TYW1: variants seen among roughly 807,000 people sequenced by gnomAD.
The protein encoded by TYW1 is S-adenosyl-L-methionine-dependent tRNA 4-demethylwyosine synthase TYW1.
A neutral mutation model predicts 96.2 loss-of-function variants in TYW1; 46 were observed. The observed-to-expected ratio is 0.48, with a 90% CI of 0.38 to 0.61. TYW1 has a LOEUF of 0.61. Ranked by LOEUF, TYW1 falls within the 20% of genes least tolerant of loss-of-function variation. The pLI, the probability that TYW1 is intolerant of heterozygous loss-of-function variation, is 0.00. For missense variants in TYW1, 684 were observed against 909.6 expected, an observed-to-expected ratio of 0.75 and a Z score of 3.19; for synonymous variants, 274 against 323.0, an observed-to-expected ratio of 0.85 and a Z score of 1.63.
At chr7:67,208,190 G>T (rs1186244887) in intron 15 of TYW1, among the ~76,000 whole-genome samples, 1 of 152,004 alleles carries the variant, frequency 6.6e-6, no homozygotes, top group Admixed American at 6.6e-5. Flanking sequence ...GTGGTGGCGT[G>T]TGCCCATGTA....
intron 13 of TYW1, among the ~76,000 whole-genome samples, chr7:67,122,406 TAAAAAAC>T (rs1444363874): frequency 2.0e-5 from 3 of 152,174 alleles, no homozygotes; most frequent in Non-Finnish European, 4.4e-5. Flanking sequence ...ATTTGCAAAT[TAAAAAAC>T]AAACATTTCA....
At chr7:67,017,762 G>A (rs1794074006) in intron 5 of TYW1, 91 bp from the exon 6 acceptor site, 59 of 1,509,794 alleles carry the variant, frequency 3.9e-5, no homozygotes, top group Non-Finnish European at 5.0e-5. Context: ...ATGACCAGGG[G>A]CCTCGGAAGG....
intron 13 of TYW1, among the ~76,000 whole-genome samples, chr7:67,147,351 C>T (rs13222233): frequency 0.26 from 39,532 of 151,942 alleles, 5,630 homozygotes; most frequent in African/African-American, 0.38. Flanking sequence ...ATTTTGCCAT[C>T]CATGAGGTTC....
chr7:67,197,964 C>CCA (rs1800457845), intron 15 of TYW1, among the ~76,000 whole-genome samples: 1 of 144,676 alleles, frequency 6.9e-6, no homozygotes, highest in Non-Finnish European at 1.5e-5. Context: ...CCCCTGCCCC[C>CCA]CGCCCCCGCA....
At chr7:67,189,320 TG>T (rs57719703) in intron 14 of TYW1, among the ~76,000 whole-genome samples, 38,093 of 144,376 alleles carry the variant, frequency 0.26, 4,926 homozygotes, top group African/African-American at 0.36. Flanking sequence ...TGTGCATCTG[TG>T]TTGTGTGTGT....
At chr7:67,203,122 C>T (rs1695097531) in intron 15 of TYW1, among the ~76,000 whole-genome samples, 1 of 152,210 alleles carries the variant, frequency 6.6e-6, no homozygotes, top group Admixed American at 6.5e-5. Flanking sequence ...CATGCTATTC[C>T]TTTGTAGTCC....
intron 9 of TYW1, among the ~76,000 whole-genome samples, chr7:67,065,132 G>T (rs959477916): frequency 2.0e-5 from 3 of 152,152 alleles, no homozygotes; most frequent in African/African-American, 7.2e-5. Context: ...AAGCTACCTT[G>T]GTTGCTTTTC....
At chr7:67,139,728 GGTGTGTGTGTGTGTGTGTGT>G (rs55993805) in intron 13 of TYW1, among the ~76,000 whole-genome samples, 2 of 138,434 alleles carry the variant, frequency 1.4e-5, no homozygotes, top group East Asian at 2.1e-4. Flanking sequence ...TGTGTATACA[GGTGTGTGTGTGTGTGTGTGT>G]GTGTGTGTGT....
At chr7:67,196,446 A>T (rs1304428220) in intron 15 of TYW1, among the ~76,000 whole-genome samples, 2 of 151,146 alleles carry the variant, frequency 1.3e-5, no homozygotes, top group Non-Finnish European at 3.0e-5. Context: ...TGTCTTCTCC[A>T]GTGCCTTGTT....
At chr7:67,102,160 G>A (rs1797105152) in intron 12 of TYW1, among the ~76,000 whole-genome samples, 1 of 152,100 alleles carries the variant, frequency 6.6e-6, no homozygotes, top group South Asian at 2.1e-4. Flanking sequence ...GTAATTTTTT[G>A]CAAAATGATA....
chr7:67,064,916 T>C lies in TYW1; in HGVS notation c.1156-2369T>C, dbSNP rs143007138. Among the ~76,000 whole-genome samples, 592 of 152,338 alleles carry C rather than the reference T, an allele frequency of 3.9e-3. 3 individuals are homozygous for C. Among genetic ancestry groups the C allele is most frequent in the African/African-American group, 0.013 (548 of 41,578 alleles). Reference sequence around the variant, plus strand: ...AATTCCGAAAAAGAGTGTCTTAAACTTCACACCTTATATAAAAATTAATTC... The same window carrying C: ...AATTCCGAAAAAGAGTGTCTTAAACCTCACACCTTATATAAAAATTAATTC... On this transcript the variant is annotated intron_variant, in intron 9 of 15. Transcript: ENST00000359626.
chr7:67,049,496 G>A (rs1795292713), intron 7 of TYW1, among the ~76,000 whole-genome samples: 1 of 152,020 alleles, frequency 6.6e-6, no homozygotes, highest in Non-Finnish European at 1.5e-5. Context: ...GATGGGTTTT[G>A]TGGGCCATGG....
chr7:67,107,836 G>C (rs1797287479), intron 12 of TYW1, among the ~76,000 whole-genome samples: 1 of 150,014 alleles, frequency 6.7e-6, no homozygotes, highest in Non-Finnish European at 1.5e-5. Flanking sequence ...AAAGTGCTGG[G>C]ATTACAGGTG....
At chr7:67,148,357 A>G (rs1176704289) in intron 13 of TYW1, among the ~76,000 whole-genome samples, 5 of 151,972 alleles carry the variant, frequency 3.3e-5, no homozygotes, top group African/African-American at 1.2e-4. Flanking sequence ...ATTAAAAAAA[A>G]AAAATTAACA....
intron 7 of TYW1, among the ~76,000 whole-genome samples, chr7:67,032,854 G>C (rs1040768389): frequency 1.6e-5 from 2 of 128,938 alleles, no homozygotes; most frequent in Non-Finnish European, 3.3e-5. Flanking sequence ...CTTCTTTTTT[G>C]AGCCCATTTT....
chr7:67,149,774 C>CTA (rs1217035596), intron 13 of TYW1, among the ~76,000 whole-genome samples: 2,712 of 84,198 alleles, frequency 0.032, 45 homozygotes, highest in Middle Eastern at 0.073. Context: ...ATCTATCTAT[C>CTA]TCTCTATGTT....
intron 12 of TYW1, among the ~76,000 whole-genome samples, chr7:67,105,960 C>T (rs1225444525): frequency 1.5e-5 from 2 of 134,578 alleles, no homozygotes; most frequent in Non-Finnish European, 3.0e-5. Context: ...TACACTGGTG[C>T]GATCTCGGCT....
intron 15 of TYW1, among the ~76,000 whole-genome samples, chr7:67,221,678 T>C (rs935358588): frequency 2.0e-5 from 3 of 152,244 alleles, no homozygotes; most frequent in African/African-American, 4.8e-5. Flanking sequence ...GTGCTTACAA[T>C]GGACATCGCA....
chr7:67,064,434 T>C (rs1466780075), intron 9 of TYW1, among the ~76,000 whole-genome samples: 1 of 152,198 alleles, frequency 6.6e-6, no homozygotes, highest in Non-Finnish European at 1.5e-5. Context: ...ATGCAAAAGC[T>C]GTTCTGTATT....
Sources: allele counts gnomAD v4.1 joint callset (sites outside exome capture counted in the v4.1 genomes callset), GRCh38; gene constraint gnomAD v4.1.1; transcripts MANE v1.5; gene names NCBI Gene and HGNC (gene_info 2026-07-23, HGNC 2026-07-21).